Variants in DNAAF5 observed in about 807,000 individuals in gnomAD.
The protein encoded by DNAAF5 is dynein axonemal assembly factor 5.
Under a neutral mutation model 75.8 loss-of-function variants are expected in DNAAF5, and 64 were observed. The observed-to-expected ratio is 0.84, with a 90% confidence interval of 0.69 to 1.04. DNAAF5 has a LOEUF of 1.04. Ranked by LOEUF, DNAAF5 falls within the 50% of genes least tolerant of loss-of-function variation. DNAAF5 has a pLI of 0.00. For missense variants in DNAAF5, 1,269 were observed against 1,178.5 expected (o/e 1.08, Z -1.12); for synonymous variants, 657 against 557.2 (o/e 1.18, Z -2.52).
At chr7:734,204 T>C (rs1781666103) in intron 2 of DNAAF5, among the ~76,000 whole-genome samples, 1 of 152,342 alleles carries the variant, frequency 6.6e-6, no homozygotes, top group Non-Finnish European at 1.5e-5. Context: ...GCTTTCAATT[T>C]TTCCCCATTC....
chr7:733,340 T>C (rs1583475116), intron 2 of DNAAF5, among the ~76,000 whole-genome samples: 1 of 152,310 alleles, frequency 6.6e-6, no homozygotes, highest in Admixed American at 6.5e-5. Flanking sequence ...GTGAAGAATG[T>C]CATTGGTATT....
At chr7:748,875 C>T (rs184728517) in intron 4 of DNAAF5, among the ~76,000 whole-genome samples, 4 of 152,260 alleles carry the variant, frequency 2.6e-5, no homozygotes, top group East Asian at 3.9e-4. Context: ...AGGCAAAGTT[C>T]GGTAATATTT....
chr7:758,681 T>C (rs1429965802), intron 6 of DNAAF5, among the ~76,000 whole-genome samples: 1 of 152,128 alleles, frequency 6.6e-6, no homozygotes, highest in East Asian at 1.9e-4. Flanking sequence ...TTTTTATTTA[T>C]TTTTATTTAT....
chr7:735,164 T>C (rs1368850217), intron 2 of DNAAF5, among the ~76,000 whole-genome samples: 5 of 151,362 alleles, frequency 3.3e-5, no homozygotes, highest in African/African-American at 9.7e-5. Flanking sequence ...GTGTAGTTCA[T>C]GGTGTAGCTG....
At chr7:751,604 C>T (rs1174245856) in intron 4 of DNAAF5, among the ~76,000 whole-genome samples, 8 of 140,092 alleles carry the variant, frequency 5.7e-5, no homozygotes, top group African/African-American at 1.9e-4. Context: ...GATGGAGTCT[C>T]ACTCTGTCGC....
In DNAAF5 at chr7:754,064, G is replaced by A. The variant is rs1256567488; in HGVS notation, c.1025-525G>A. 2.9e-5 allele frequency among the ~76,000 whole-genome samples: 4 copies of A among 140,044 alleles called. No individual in the cohort carries two copies. Among genetic ancestry groups the A allele is most frequent in the Admixed American group, 7.0e-5 (1 of 14,196 alleles). 91.9% of individuals were successfully genotyped at this position (140,044 alleles called of 152,430 possible). ...ATCATATGGCGATGGCTTCGCAGGC[G>A]TGTGTCTCTCTGATCATAGGGGGAC... On this transcript the variant is annotated intron_variant, in intron 4 of 12. Coordinates refer to ENST00000297440, the MANE Select transcript of DNAAF5 (RefSeq NM_017802.4). The surrounding 1 kb of genome is among the most constrained non-coding windows in gnomAD (Gnocchi z 4.8).
In DNAAF5 at chr7:741,375, G is replaced by T; in HGVS notation, c.934G>T (p.Val312Phe). 6.3e-7 allele frequency: 1 copy of T among 1,587,314 alleles called. No homozygotes were observed. The highest frequency in any genetic ancestry group is 8.6e-7 in the Non-Finnish European group (1 of 1,167,896). Residue 312 changes from valine (V) to phenylalanine (F), a missense_variant, in exon 4 of 13, where the codon GTT (valine) becomes TTT (phenylalanine). Val to Phe is a conservative substitution (Grantham distance 50). Transcript: ENST00000297440. Reference protein sequence around the residue: ...RQLAASLWEDVGLQWQKENEE... With the variant: ...RQLAASLWEDFGLQWQKENEE... The stretch of plus-strand genomic sequence containing the variant: ...GCTGGCTGCCAGCCTCTGGGAGGAC[G>T]TTGGCCTGCAGTGGCAGAAGGAGAA...
At position 754,197 on chromosome 7, in the gene DNAAF5, C is replaced by T. The variant is rs1583495515; in HGVS notation, c.1025-392C>T. On this transcript the variant is annotated intron_variant, in intron 4 of 12. Coordinates refer to ENST00000297440, the MANE Select transcript of DNAAF5 (RefSeq NM_017802.4). The surrounding 1 kb of genome is among the most constrained non-coding windows in gnomAD (Gnocchi z 4.8). ...GTTTGTTTTTTGAGACAGGGTCTCG[C>T]TCTGTCACCCAGGCTGGAGTGCTGT... Among the ~76,000 whole-genome samples the T allele has an allele frequency of 6.6e-6, 1 of 152,208 alleles. No individual in the cohort carries two copies.
intron 6 of DNAAF5, among the ~76,000 whole-genome samples, chr7:760,761 C>G (rs769151061): frequency 6.6e-6 from 1 of 152,256 alleles, no homozygotes; most frequent in Non-Finnish European, 1.5e-5. Flanking sequence ...CTGGCTGATT[C>G]ACAGTGGATG....
intron 5 of DNAAF5, among the ~76,000 whole-genome samples, chr7:755,184 G>A (rs1156452740): frequency 6.6e-6 from 1 of 152,206 alleles, no homozygotes; most frequent in African/African-American, 2.4e-5. Context: ...GGACTGTCCT[G>A]AGGGCCCTTC....
At chr7:780,814 G>GCTTTTTTTTTT (rs1266885355) in intron 12 of DNAAF5, among the ~76,000 whole-genome samples, 2 of 137,518 alleles carry the variant, frequency 1.5e-5, no homozygotes, top group Admixed American at 7.4e-5. Context: ...GTAACGATTT[G>GCTTTTTTTTTT]CTTTTTTTTT....
chr7:749,956 C>G (rs552521859), intron 4 of DNAAF5, among the ~76,000 whole-genome samples: 1 of 152,296 alleles, frequency 6.6e-6, no homozygotes, highest in East Asian at 1.9e-4. Context: ...GCCTTGGCCT[C>G]CCAAAGTGCT....
In DNAAF5 at chr7:726,873, G is replaced by A. The variant is rs1433798663; in HGVS notation, c.153G>A (p.Glu51=). ...AGCCGGGCCGGCGGCGCGCCTTGGA[G>A]GCCCTGCGGCGCGCGCTGGAGGAGC... ...DSKPGRRRAL[E]ALRRALEEPG... is the part of the protein sequence containing the mutation. Residue 51 remains glutamate, a synonymous_variant, in exon 1 of 13, where the codon GAG becomes GAA. Coordinates refer to ENST00000297440, the MANE Select transcript of DNAAF5 (RefSeq NM_017802.4). The A allele has an allele frequency of 1.5e-6, 2 of 1,317,288 alleles. No homozygotes were observed. The highest frequency in any genetic ancestry group is 1.5e-5 in the African/African-American group (1 of 64,582). The allele number at this position is 1,317,288 out of a possible 1,614,324, so 81.6% of individuals were successfully genotyped here.
chr7:769,255 C>T, intron 8 of DNAAF5: 1 of 733,080 alleles, frequency 1.4e-6, no homozygotes. Flanking sequence ...TCTACACTGG[C>T]CCGGGGCCAG....
Position 754,519 on chromosome 7 carries a change from T to TG in DNAAF5, c.1025-69dup. On this transcript the variant is annotated intron_variant, in intron 4 of 12. Coordinates refer to ENST00000297440, the MANE Select transcript of DNAAF5 (RefSeq NM_017802.4). The surrounding 1 kb of genome is among the most constrained non-coding windows in gnomAD (Gnocchi z 4.8). Reference sequence around the variant, plus strand: ...ACTCACAGGTGTCCCTTAAATGTGATGTGCGGTAACTTGAGTTGTTGAGGT... The same window carrying TG: ...ACTCACAGGTGTCCCTTAAATGTGATGGTGCGGTAACTTGAGTTGTTGAGGT... 7.8e-7 allele frequency: 1 copy of TG among 1,280,858 alleles called. No homozygotes were observed. The highest frequency in any genetic ancestry group is 1.1e-6 in the Non-Finnish European group (1 of 885,554). The allele number at this position is 1,280,858 out of a possible 1,614,324, so 79.3% of individuals were successfully genotyped here.
At chr7:741,557 C>A in intron 4 of DNAAF5, 92 bp downstream of exon 4, 1 of 796,336 alleles carries the variant, frequency 1.3e-6, no homozygotes, top group Non-Finnish European at 2.1e-6. Context: ...TCAGCTCTTG[C>A]AGTTCTGAGC....
intron 8 of DNAAF5, chr7:769,214 C>G (rs1416620969): frequency 1.3e-6 from 1 of 770,166 alleles, no homozygotes; most frequent in African/African-American, 1.7e-5. Flanking sequence ...AGGTGACTCA[C>G]AGTTGCTTGG....
intron 7 of DNAAF5, 89 bp from the exon 8 acceptor site, chr7:763,717 C>A: frequency 1.4e-6 from 2 of 1,424,530 alleles, no homozygotes; most frequent in Non-Finnish European, 1.9e-6. Context: ...GTGGTTCTTA[C>A]GCGTGAGGGG....
At chr7:772,731 C>T (rs1388299399) in intron 9 of DNAAF5, 1 of 152,468 alleles carries the variant, frequency 6.6e-6, no homozygotes, top group Non-Finnish European at 1.5e-5. Flanking sequence ...GCCTGTGATC[C>T]CAGCTACTCA....
Sources: gnomAD v4.1 joint callset for allele counts (sites outside exome capture counted in the v4.1 genomes callset) on GRCh38, gnomAD v4.1.1 for gene constraint, Gnocchi (gnomAD v3.1) non-coding constraint, MANE v1.5 for transcripts, NCBI Gene and HGNC (gene_info 2026-07-23, HGNC 2026-07-21) for gene names.